DRC2: variants seen among roughly 807,000 people sequenced by gnomAD.
The protein encoded by DRC2 is coiled-coil domain containing 65.
At chr12:48,920,443 A>T in the DRC2 span, among the ~76,000 whole-genome samples, 1,332 of 87,536 alleles carry the variant, frequency 0.015, 31 homozygotes, top group East Asian at 0.02. Context: ...CTCCATCTTA[A>T]AAAAAAAAAA....
chr12:48,917,069 G>A, the DRC2 span: 19 of 1,614,044 alleles, frequency 1.2e-5, no homozygotes, highest in East Asian at 4.0e-4. Flanking sequence ...ATGAAAGCAA[G>A]CTGGAGTTCC....
the DRC2 span, among the ~76,000 whole-genome samples, chr12:48,920,048 G>A: frequency 1.3e-5 from 2 of 149,390 alleles, no homozygotes; most frequent in African/African-American, 2.5e-5. Context: ...GGGACATCGC[G>A]GCTGCAGTGA....
At chr12:48,920,111 TAAA>T in the DRC2 span, among the ~76,000 whole-genome samples, 1 of 32,080 alleles carries the variant, frequency 3.1e-5, no homozygotes, top group Non-Finnish European at 5.1e-5. Context: ...AGACCCTGTC[TAAA>T]AAAAAAAAAA....
At chr12:48,909,775 CCT>C in the DRC2 span, among the ~76,000 whole-genome samples, 2 of 142,686 alleles carry the variant, frequency 1.4e-5, no homozygotes, top group African/African-American at 5.0e-5. Flanking sequence ...CCGCGCCCAG[CCT>C]CTTTTTTTTT....
At chr12:48,917,909 T>C in the DRC2 span, among the ~76,000 whole-genome samples, 1 of 152,230 alleles carries the variant, frequency 6.6e-6, no homozygotes, top group Non-Finnish European at 1.5e-5. Context: ...ATACAATTTT[T>C]TGAATAAGCA....
chr12:48,917,016 G>A, the DRC2 span: 2 of 1,614,106 alleles, frequency 1.2e-6, no homozygotes, highest in South Asian at 2.2e-5. Flanking sequence ...CTATCTGCAA[G>A]ATATCTTCAT....
chr12:48,904,506 C>G, the DRC2 span: 1 of 1,599,290 alleles, frequency 6.3e-7, no homozygotes, highest in Non-Finnish European at 8.5e-7. Flanking sequence ...TCAACCCCAT[C>G]CACCCCCTGC....
the DRC2 span, among the ~76,000 whole-genome samples, chr12:48,912,384 C>A: frequency 6.9e-6 from 1 of 145,134 alleles, no homozygotes; most frequent in African/African-American, 2.5e-5. Flanking sequence ...GAGCCAAGAT[C>A]GCGCCACTGC....
chr12:48,913,133 CAAAAAAAAAA>C, the DRC2 span, among the ~76,000 whole-genome samples: 1 of 69,814 alleles, frequency 1.4e-5, no homozygotes. Flanking sequence ...GACTCCGTCT[CAAAAAAAAAA>C]AAAAAAAAAA....
At chr12:48,914,044 C>A in the DRC2 span, among the ~76,000 whole-genome samples, 1 of 150,290 alleles carries the variant, frequency 6.7e-6, no homozygotes, top group African/African-American at 2.5e-5. Context: ...ATCCTCCTGC[C>A]CAGGCCTTGT....
chr12:48,909,262 C>T, the DRC2 span, among the ~76,000 whole-genome samples: 1 of 151,742 alleles, frequency 6.6e-6, no homozygotes, highest in Non-Finnish European at 1.5e-5. Context: ...AGGCTGATCT[C>T]GAACTCCCCA....
At chr12:48,914,451 C>A in the DRC2 span, 1 of 1,614,064 alleles carries the variant, frequency 6.2e-7, no homozygotes, top group Non-Finnish European at 8.5e-7. Flanking sequence ...ACGCCCATGC[C>A]CTGCGCAGCC....
chr12:48,916,949 A>G, the DRC2 span: 1 of 1,611,916 alleles, frequency 6.2e-7, no homozygotes, highest in South Asian at 1.1e-5. Context: ...CAGAGCAGGG[A>G]CAGTGTCTTG....
chr12:48,918,642 A>G, the DRC2 span: 1 of 1,588,754 alleles, frequency 6.3e-7, no homozygotes, highest in East Asian at 2.2e-5. Context: ...GAAGACCCTC[A>G]GTTGGTCAAG....
chr12:48,912,394 C>T, the DRC2 span, among the ~76,000 whole-genome samples: 2 of 140,424 alleles, frequency 1.4e-5, no homozygotes, highest in Non-Finnish European at 3.0e-5. Context: ...CGCGCCACTG[C>T]GCTCCAGCAC....
At chr12:48,921,504 T>C in the DRC2 span, 3 of 1,521,728 alleles carry the variant, frequency 2.0e-6, no homozygotes, top group South Asian at 3.9e-5. Context: ...AAAAAATCTT[T>C]CAACTCCTAG....
At chr12:48,918,901 AAGGTAACACAGGGGAG>A in the DRC2 span, 1 of 1,608,870 alleles carries the variant, frequency 6.2e-7, no homozygotes, top group Non-Finnish European at 8.5e-7. Context: ...GATTGTTGAT[AAGGTAACACAGGGGAG>A]AGGACTATCA....
At chr12:48,913,078 T>C in the DRC2 span, among the ~76,000 whole-genome samples, 18 of 132,500 alleles carry the variant, frequency 1.4e-4, no homozygotes, top group African/African-American at 5.0e-4. Context: ...AAGGTTGCAG[T>C]GAGCCAAGAT....
the DRC2 span, chr12:48,918,869 C>T: frequency 6.2e-7 from 1 of 1,613,878 alleles, no homozygotes; most frequent in Non-Finnish European, 8.5e-7. Flanking sequence ...GAAAGTAATG[C>T]CACCCTCAAG....
Sources: gnomAD v4.1 joint callset for allele counts (sites outside exome capture counted in the v4.1 genomes callset) on GRCh38, gnomAD v4.1.1 for gene constraint, MANE v1.5 for transcripts, NCBI Gene and HGNC (gene_info 2026-07-23, HGNC 2026-07-21) for gene names.